The following GALNT1 variants were observed in gnomAD, a reference collection of about 807,000 sequenced individuals.
GALNT1 encodes the protein polypeptide N-acetylgalactosaminyltransferase 1, also known as GalNAc transferase 1.
GALNT1 carries 17 observed loss-of-function variants against 65.7 expected under a neutral mutation model. The ratio of observed to expected loss-of-function variants is 0.26; its 90% CI spans 0.18 to 0.39. The LOEUF (loss-of-function observed/expected upper bound fraction) is 0.39. Among genes scored for constraint, GALNT1 ranks in the 10% least tolerant of loss-of-function variants. The probability of loss-of-function intolerance (pLI) is 1.00; values close to 1 mark genes in which losing one functional copy is unlikely to be tolerated. For synonymous variants in GALNT1, 210 were observed against 219.7 expected, an observed-to-expected ratio of 0.96 and a Z score of 0.39; for missense variants, 460 against 672.8, an observed-to-expected ratio of 0.68 and a Z score of 3.50.
At chr18:35,626,717 G>T (rs923327378) in intron 1 of GALNT1, among the ~76,000 whole-genome samples, 8 of 152,134 alleles carry the variant, frequency 5.3e-5, no homozygotes, top group Non-Finnish European at 1.2e-4. Context: ...TGCTCTCCAT[G>T]TTTTCAATTT....
At chr18:35,691,923 A>G (rs1006367195) in intron 8 of GALNT1, among the ~76,000 whole-genome samples, 17 of 152,170 alleles carry the variant, frequency 1.1e-4, no homozygotes, top group African/African-American at 3.4e-4. Flanking sequence ...CTTAACATAT[A>G]TTGAAGTTTA....
At chr18:35,600,431 T>C (rs1426342251) in intron 1 of GALNT1, among the ~76,000 whole-genome samples, 1 of 152,200 alleles carries the variant, frequency 6.6e-6, no homozygotes, top group East Asian at 1.9e-4. Flanking sequence ...GATGGAGTCT[T>C]AGGGTTTTCT....
At chr18:35,626,325 T>A (rs1205556593) in intron 1 of GALNT1, among the ~76,000 whole-genome samples, 1 of 152,180 alleles carries the variant, frequency 6.6e-6, no homozygotes, top group East Asian at 1.9e-4. Flanking sequence ...TGAGAAAGTT[T>A]GAGTGAATTA....
rs552065919 is a variant in GALNT1, at chr18:35,660,632, C to T, written c.140-2996C>T. 1.1e-3 allele frequency among the ~76,000 whole-genome samples: 164 copies of T among 152,266 alleles called. 2 individuals carry two copies. Among genetic ancestry groups the T allele is most frequent in the African/African-American group, 3.7e-3 (155 of 41,560 alleles). On this transcript the variant is annotated intron_variant, in intron 2 of 11. Coordinates refer to ENST00000269195, the MANE Select transcript of GALNT1 (RefSeq NM_020474.4). ...TTTCACAGAACCTACTTTTAATACA[C>T]ATAGAAGACTGGCAGTAGAGAACAT...
intron 3 of GALNT1, among the ~76,000 whole-genome samples, chr18:35,675,766 A>AATG (rs1220616056): frequency 1.3e-5 from 2 of 152,234 alleles, no homozygotes; most frequent in East Asian, 3.8e-4. Flanking sequence ...CTACAATAAT[A>AATG]ATAAGTAGGA....
intron 2 of GALNT1, among the ~76,000 whole-genome samples, 198 bp downstream of exon 2, chr18:35,654,999 T>C (rs1038565686): frequency 1.3e-5 from 2 of 152,160 alleles, no homozygotes; most frequent in African/African-American, 4.8e-5. Flanking sequence ...ATATATAGAA[T>C]TGCTGAATTC....
intron 1 of GALNT1, among the ~76,000 whole-genome samples, chr18:35,644,287 C>A (rs1337053345): frequency 6.6e-6 from 1 of 152,230 alleles, no homozygotes; most frequent in Non-Finnish European, 1.5e-5. Flanking sequence ...GATTCCAAGA[C>A]CTGAAAATTG....
chr18:35,698,086 G>A (rs993464710), intron 9 of GALNT1, among the ~76,000 whole-genome samples: 3 of 152,186 alleles, frequency 2.0e-5, no homozygotes, highest in African/African-American at 7.2e-5. Context: ...CCCATCGTTG[G>A]CAAGTAGCTC....
intron 1 of GALNT1, among the ~76,000 whole-genome samples, chr18:35,610,866 A>G (rs1207461738): frequency 6.6e-6 from 1 of 152,224 alleles, no homozygotes; most frequent in African/African-American, 2.4e-5. Flanking sequence ...GGCTTCTCAT[A>G]GCTGGATTCT....
chr18:35,611,405 G>A (rs1598783590), intron 1 of GALNT1, among the ~76,000 whole-genome samples: 1 of 152,098 alleles, frequency 6.6e-6, no homozygotes, highest in African/African-American at 2.4e-5. Flanking sequence ...TAACTTTCAG[G>A]TATTTTATTT....
At chr18:35,594,763 T>C (rs1225247133) in intron 1 of GALNT1, among the ~76,000 whole-genome samples, 1 of 152,160 alleles carries the variant, frequency 6.6e-6, no homozygotes, top group Non-Finnish European at 1.5e-5. Flanking sequence ...AGAACAAGTT[T>C]GGCAGGGGTG....
At chr18:35,583,006 C>G (rs1329065179) in intron 1 of GALNT1, among the ~76,000 whole-genome samples, 1 of 152,218 alleles carries the variant, frequency 6.6e-6, no homozygotes, top group Admixed American at 6.5e-5. Flanking sequence ...CAGCCCTGGT[C>G]TAAATTATAC....
chr18:35,633,767 A>G (rs942790336), intron 1 of GALNT1, among the ~76,000 whole-genome samples: 4 of 152,196 alleles, frequency 2.6e-5, no homozygotes, highest in Admixed American at 2.6e-4. Flanking sequence ...CTAAAATCCC[A>G]GTTTAGTAAT....
chr18:35,592,011 G>A (rs56159914), intron 1 of GALNT1, among the ~76,000 whole-genome samples: 5,545 of 152,296 alleles, frequency 0.036, 130 homozygotes, highest in Non-Finnish European at 0.055. Context: ...ATTCCAGGTG[G>A]AACTGTCCTG....
chr18:35,689,075 C>T, intron 6 of GALNT1, 98 bp from the exon 7 acceptor site: 1 of 788,562 alleles, frequency 1.3e-6, no homozygotes, highest in Non-Finnish European at 2.3e-6. Flanking sequence ...TAAGTACTTA[C>T]TCAGTAGTTA....
intron 1 of GALNT1, among the ~76,000 whole-genome samples, chr18:35,594,766 C>T (rs1008169311): frequency 1.3e-5 from 2 of 152,164 alleles, no homozygotes; most frequent in Non-Finnish European, 2.9e-5. Flanking sequence ...ACAAGTTTGG[C>T]AGGGGTGAGG....
At chr18:35,610,599 G>A (rs2046705030) in intron 1 of GALNT1, among the ~76,000 whole-genome samples, 1 of 152,094 alleles carries the variant, frequency 6.6e-6, no homozygotes, top group Non-Finnish European at 1.5e-5. Context: ...TGAGTTAATT[G>A]TTCTTAATCC....
chr18:35,581,545 C>A (rs1204494126), upstream of GALNT1, among the ~76,000 whole-genome samples: 3 of 132 alleles, frequency 0.023, 1 homozygote, highest in East Asian at 0.5. Flanking sequence ...GGGCGCCCTG[C>A]GGCGCCCGCC....
At position 35,654,646 on chromosome 18, in the gene GALNT1, A is replaced by G. The variant is rs1274826057; in HGVS notation, c.-17A>G. 1 of 1,337,998 alleles carries G rather than the reference A, an allele frequency of 7.5e-7. No individual in the cohort carries two copies. Among genetic ancestry groups the G allele is most frequent in the East Asian group, 2.9e-5 (1 of 33,964 alleles). The allele number at this position is 1,337,998 out of a possible 1,614,324, so 82.9% of individuals were successfully genotyped here. A position where few individuals can be genotyped will look rare whatever the true frequency, so the allele number is the denominator to read the frequency against. ...ATATATATATATTTTTAAATTTTGC[A>G]TTTGACTTAAAGTGCCATGAGAAAA... On this transcript the variant is annotated 5_prime_UTR_variant, in exon 2 of 12. Coordinates refer to ENST00000269195, the MANE Select transcript of GALNT1 (RefSeq NM_020474.4).
Sources: allele counts gnomAD v4.1 joint callset (sites outside exome capture counted in the v4.1 genomes callset), GRCh38; gene constraint gnomAD v4.1.1; transcripts MANE v1.5; gene names NCBI Gene and HGNC (gene_info 2026-07-23, HGNC 2026-07-21).